Variants in CA10 observed in about 807,000 individuals in gnomAD.
The protein encoded by CA10 is carbonic anhydrase 10 (inactive).
CA10 carries 14 observed loss-of-function variants against 44.2 expected under a neutral mutation model. That is an observed-to-expected ratio of 0.32 (90% CI 0.21 to 0.50). The LOEUF (loss-of-function observed/expected upper bound fraction) is 0.50. Among genes scored for constraint, CA10 ranks in the 20% least tolerant of loss-of-function variants. The pLI, the probability that CA10 is intolerant of heterozygous loss-of-function variation, is 0.99. For missense variants in CA10, 350 were observed against 409.7 expected, an observed-to-expected ratio of 0.85 and a Z score of 1.26; for synonymous variants, 159 against 141.6, an observed-to-expected ratio of 1.12 and a Z score of -0.87.
chr17:51,758,824 C>A (rs1387886183), intron 3 of CA10, among the ~76,000 whole-genome samples: 1 of 152,176 alleles, frequency 6.6e-6, no homozygotes, highest in Non-Finnish European at 1.5e-5. Context: ...AAAATCCTGA[C>A]ACAAAACCTT....
intron 3 of CA10, among the ~76,000 whole-genome samples, chr17:51,923,997 A>G (rs556540682): frequency 6.6e-6 from 1 of 152,316 alleles, no homozygotes; most frequent in Non-Finnish European, 1.5e-5. Context: ...CTAAGGGCTA[A>G]TATCTATAGT....
chr17:52,086,647 A>G (rs1988124201), intron 1 of CA10, among the ~76,000 whole-genome samples: 1 of 152,344 alleles, frequency 6.6e-6, no homozygotes, highest in Middle Eastern at 3.4e-3. Flanking sequence ...ACACAATGAC[A>G]CTGAAGAGAA....
intron 2 of CA10, 111 bp from the exon 3 acceptor site, chr17:51,931,243 T>C: frequency 9.8e-7 from 1 of 1,022,680 alleles, no homozygotes; most frequent in Non-Finnish European, 1.4e-6. Flanking sequence ...CCACCAAATG[T>C]TCCCACCCAT....
At chr17:51,861,869 C>G (rs1239063326) in intron 3 of CA10, among the ~76,000 whole-genome samples, 1 of 152,056 alleles carries the variant, frequency 6.6e-6, no homozygotes, top group Non-Finnish European at 1.5e-5. Context: ...AGATGAATCA[C>G]CAAAGGCTAT....
At chr17:52,156,997 T>A (rs2143428558) in intron 1 of CA10, among the ~76,000 whole-genome samples, 1 of 152,204 alleles carries the variant, frequency 6.6e-6, no homozygotes, top group Admixed American at 6.5e-5. Context: ...AAGCCCAACC[T>A]CTTTCACCTC....
chr17:51,719,865 G>A (rs1916296366), intron 4 of CA10, among the ~76,000 whole-genome samples: 1 of 152,104 alleles, frequency 6.6e-6, no homozygotes, highest in Admixed American at 6.6e-5. Context: ...AGCCTGGGTG[G>A]CAGAGCCAGG....
At chr17:51,730,816 G>A (rs1916685669) in intron 4 of CA10, among the ~76,000 whole-genome samples, 1 of 152,122 alleles carries the variant, frequency 6.6e-6, no homozygotes, top group Non-Finnish European at 1.5e-5. Context: ...AACTATCCCA[G>A]TGGGGATATC....
chr17:51,721,870 G>A (rs1192241660), intron 4 of CA10, among the ~76,000 whole-genome samples: 2 of 152,124 alleles, frequency 1.3e-5, no homozygotes, highest in African/African-American at 2.4e-5. Flanking sequence ...CTGTGTACCT[G>A]TTCCATGTCG....
intron 2 of CA10, among the ~76,000 whole-genome samples, chr17:51,973,168 A>G (rs1015248451): frequency 7.2e-5 from 11 of 152,248 alleles, no homozygotes; most frequent in Admixed American, 1.3e-4. Context: ...ATATTTTCAG[A>G]CATGGATAAG....
chr17:52,048,501 G>A (rs985200718), intron 2 of CA10, among the ~76,000 whole-genome samples: 5 of 151,962 alleles, frequency 3.3e-5, no homozygotes, highest in Admixed American at 6.6e-5. Flanking sequence ...GATGTCTATC[G>A]TAAAGAGTAC....
intron 1 of CA10, among the ~76,000 whole-genome samples, chr17:52,075,322 T>C (rs957277927): frequency 6.6e-6 from 1 of 152,188 alleles, no homozygotes; most frequent in South Asian, 2.1e-4. Context: ...CTTCATATTA[T>C]ATTAGAGATT....
chr17:51,686,496 A>G (rs1915015175), intron 4 of CA10, among the ~76,000 whole-genome samples: 2 of 152,052 alleles, frequency 1.3e-5, no homozygotes, highest in African/African-American at 4.8e-5. Flanking sequence ...CCTAGCTTAG[A>G]TCTCTTAGTC....
chr17:51,967,698 TGA>T (rs1176318465), intron 2 of CA10, among the ~76,000 whole-genome samples: 2 of 151,398 alleles, frequency 1.3e-5, no homozygotes, highest in Non-Finnish European at 3.0e-5. Context: ...CAGGGGAAAG[TGA>T]GAGAAGGGGA....
intron 2 of CA10, among the ~76,000 whole-genome samples, chr17:52,059,294 G>T (rs951751140): frequency 5.9e-5 from 9 of 152,070 alleles, no homozygotes; most frequent in South Asian, 2.1e-4. Context: ...GAGCTGGAAT[G>T]GTTCTTTGGA....
At chr17:52,108,943 T>A (rs1012926781) in intron 1 of CA10, among the ~76,000 whole-genome samples, 21 of 151,638 alleles carry the variant, frequency 1.4e-4, no homozygotes, top group Non-Finnish European at 2.4e-4. Flanking sequence ...AAACTTTTTT[T>A]AAAAAAAAGT....
intron 3 of CA10, among the ~76,000 whole-genome samples, chr17:51,804,182 T>G (rs775789387): frequency 6.6e-6 from 1 of 152,186 alleles, no homozygotes; most frequent in African/African-American, 2.4e-5. Context: ...TCTAAACTTA[T>G]CTCCTTCAAT....
chr17:51,674,715 G>A (rs1914551399), intron 4 of CA10, among the ~76,000 whole-genome samples: 1 of 152,036 alleles, frequency 6.6e-6, no homozygotes, highest in African/African-American at 2.4e-5. Context: ...AAATCTGGGG[G>A]GACCACCTCT....
At chr17:51,770,486 G>A (rs1905561691) in intron 3 of CA10, among the ~76,000 whole-genome samples, 1 of 151,788 alleles carries the variant, frequency 6.6e-6, no homozygotes, top group Admixed American at 6.6e-5. Context: ...GTGCAAATTT[G>A]CTCAACTGTT....
At chr17:52,039,987 C>A (rs1379909946) in intron 2 of CA10, among the ~76,000 whole-genome samples, 1 of 152,020 alleles carries the variant, frequency 6.6e-6, no homozygotes, top group African/African-American at 2.4e-5. Context: ...AAGGATCAAG[C>A]AATCCTGAGT....
Sources: allele counts gnomAD v4.1 joint callset (sites outside exome capture counted in the v4.1 genomes callset), GRCh38; gene constraint gnomAD v4.1.1; transcripts MANE v1.5; gene names NCBI Gene and HGNC (gene_info 2026-07-23, HGNC 2026-07-21).